FRAS1: variants seen among roughly 807,000 people sequenced by gnomAD.
The protein encoded by FRAS1 is extracellular matrix organizing protein FRAS1.
FRAS1 carries 290 observed loss-of-function variants against 435.2 expected under a neutral mutation model. That is an observed-to-expected ratio of 0.67 (90% CI 0.61 to 0.73). FRAS1 has a LOEUF of 0.73. Ranked by LOEUF, FRAS1 falls within the 30% of genes least tolerant of loss-of-function variation. The pLI is 0.00. For synonymous variants in FRAS1, 1,800 were observed against 1,851.0 expected, an observed-to-expected ratio of 0.97 and a Z score of 0.71; for missense variants, 4,860 against 5,001.5, an observed-to-expected ratio of 0.97 and a Z score of 0.85.
At chr4:78,147,671 T>C (rs996447859) in intron 2 of FRAS1, among the ~76,000 whole-genome samples, 2 of 152,168 alleles carry the variant, frequency 1.3e-5, no homozygotes, top group African/African-American at 4.8e-5. Context: ...TATGTTTTCT[T>C]ATGTTTAAAA....
intron 53 of FRAS1, 36 bp from the exon 54 acceptor site, chr4:78,475,402 G>A: frequency 6.2e-7 from 1 of 1,611,722 alleles, no homozygotes; most frequent in Non-Finnish European, 8.5e-7. Flanking sequence ...TAACCATGGG[G>A]CATAGTTTAA....
Position 78,249,064 on chromosome 4 carries a change from C to CATATATATATATATATATATGCATATAT in FRAS1, c.310-3308_310-3307insGCATATATATATATATATATATATATAT, listed in dbSNP as rs1553934033. On this transcript the variant is annotated intron_variant, in intron 4 of 73. Transcript: ENST00000512123. ...AGAACTACTGATATATATATATATG[C>CATATATATATATATATATATGCATATAT]ATATATATATATATATATATATGCA... 1.8e-4 allele frequency among the ~76,000 whole-genome samples: 3 copies of CATATATATATATATATATATGCATATAT among 16,620 alleles called. 1 individual carries two copies. The highest frequency in any genetic ancestry group is 6.3e-4 in the Non-Finnish European group (3 of 4,736). The allele number at this position is 16,620 out of a possible 152,430, so 10.9% of individuals were successfully genotyped here. A position where few individuals can be genotyped will look rare whatever the true frequency, so the allele number is the denominator to read the frequency against.
chr4:78,264,163 G>T (rs1439819129), intron 6 of FRAS1, among the ~76,000 whole-genome samples: 1 of 152,168 alleles, frequency 6.6e-6, no homozygotes, highest in Non-Finnish European at 1.5e-5. Flanking sequence ...TGACATTGAA[G>T]AAGGCTGTAG....
At position 78,507,558 on chromosome 4, in the gene FRAS1, A is replaced by G. The variant is rs879158039; in HGVS notation, c.9454A>G (p.Ile3152Val). The G allele has an allele frequency of 5.0e-6, 8 of 1,610,066 alleles. No homozygotes were observed. The South Asian group carries it at 7.8e-5, about 16-fold the overall frequency. ...LGDVTTATVTILDQEAAGSLI... is the reference protein window; with the variant it reads ...LGDVTTATVTVLDQEAAGSLI... ...GGATGTGACTACTGCCACGGTGACAATTCTAGACCAGGAGGCAGCAGGGAG... is the reference window on the plus strand; with the variant it reads ...GGATGTGACTACTGCCACGGTGACAGTTCTAGACCAGGAGGCAGCAGGGAG... The change falls in exon 62 of 74, where the codon ATT becomes GTT. Residue 3152 changes from isoleucine (I) to valine (V), a missense_variant. Transcript: ENST00000512123.
At chr4:78,465,860 A>G (rs2109847134) in intron 49 of FRAS1, among the ~76,000 whole-genome samples, 2 of 152,346 alleles carry the variant, frequency 1.3e-5, no homozygotes, top group South Asian at 2.1e-4. Context: ...GAAATTCTGT[A>G]TATAAGAGTT....
intron 64 of FRAS1, 68 bp from the exon 65 acceptor site, chr4:78,513,324 A>G: frequency 2.7e-6 from 4 of 1,490,040 alleles, no homozygotes; most frequent in South Asian, 1.2e-5. Flanking sequence ...GGTGATGAGA[A>G]AGAAGTATGT....
intron 2 of FRAS1, among the ~76,000 whole-genome samples, chr4:78,223,503 C>A (rs1489821324): frequency 1.3e-5 from 2 of 152,110 alleles, no homozygotes; most frequent in East Asian, 3.9e-4. Context: ...TTGGCCCAGG[C>A]AGCTTTCTTT....
chr4:78,314,156 C>T (rs1729144143), intron 15 of FRAS1, among the ~76,000 whole-genome samples: 1 of 151,978 alleles, frequency 6.6e-6, no homozygotes, highest in Non-Finnish European at 1.5e-5. Context: ...CCACTTCTGT[C>T]TTATCCTGCA....
At chr4:78,362,766 G>T (rs1299628033) in intron 20 of FRAS1, among the ~76,000 whole-genome samples, 1 of 152,190 alleles carries the variant, frequency 6.6e-6, no homozygotes, top group Non-Finnish European at 1.5e-5. Context: ...AGAGAGTGGA[G>T]CTGGAGAGGG....
At chr4:78,486,701 G>C (rs1040633240) in intron 58 of FRAS1, among the ~76,000 whole-genome samples, 8 of 152,068 alleles carry the variant, frequency 5.3e-5, no homozygotes, top group African/African-American at 1.2e-4. Context: ...ATCTCTTCCT[G>C]AAACTCCCTT....
intron 2 of FRAS1, among the ~76,000 whole-genome samples, chr4:78,168,985 G>A (rs761024913): frequency 2.0e-5 from 3 of 152,090 alleles, no homozygotes; most frequent in Non-Finnish European, 4.4e-5. Flanking sequence ...CTGAAGTTGG[G>A]AAGTCTTCAC....
rs374693444 is a variant in FRAS1 at position 78,323,627 on chromosome 4, G to T, written c.2137+4641G>T. On this transcript the variant is annotated intron_variant, in intron 18 of 73. Coordinates refer to ENST00000512123, the MANE Select transcript of FRAS1 (RefSeq NM_025074.7). ...GGTTTCTCTGCTGCACACCCCCAAGGGCGCTATTCTCATAGCTACCTTTGT... is the reference window on the plus strand; with the variant it reads ...GGTTTCTCTGCTGCACACCCCCAAGTGCGCTATTCTCATAGCTACCTTTGT... Among the ~76,000 whole-genome samples the T allele has an allele frequency of 1.2e-4, 19 of 152,234 alleles. 1 individual carries two copies. In the East Asian group the frequency reaches 1.4e-3, roughly 11 times the overall value.
At chr4:78,346,063 A>G (rs949421897) in intron 20 of FRAS1, among the ~76,000 whole-genome samples, 3 of 152,210 alleles carry the variant, frequency 2.0e-5, no homozygotes, top group Non-Finnish European at 4.4e-5. Context: ...TTGTGGGTGT[A>G]TGTTGAAAGA....
chr4:78,330,811 C>CGGTCCTGT lies in FRAS1; in HGVS notation c.2138-2451_2138-2444dup, dbSNP rs1306068905. ...TTCATTAGCAATTTTAATTTCGCCTCGGTCCTGTGGTCCTGTGACCTCGCC... is the reference window on the plus strand; with the variant it reads ...TTCATTAGCAATTTTAATTTCGCCTCGGTCCTGTGGTCCTGTGGTCCTGTGACCTCGCC... On this transcript the variant is annotated intron_variant, in intron 18 of 73. Coordinates refer to ENST00000512123, the MANE Select transcript of FRAS1 (RefSeq NM_025074.7). 5.3e-5 allele frequency among the ~76,000 whole-genome samples: 8 copies of CGGTCCTGT among 152,350 alleles called. No individual in the cohort carries two copies. The East Asian group carries it at 9.6e-4, about 18-fold the overall frequency.
chr4:78,363,802 C>T (rs1578275110), intron 21 of FRAS1, 106 bp from the exon 22 acceptor site: 2 of 1,442,278 alleles, frequency 1.4e-6, no homozygotes, highest in East Asian at 4.8e-5. Flanking sequence ...GTAAACCAGA[C>T]TTGCCAATGT....
intron 2 of FRAS1, among the ~76,000 whole-genome samples, chr4:78,195,753 TCACACTC>T (rs1318277343): frequency 1.3e-5 from 2 of 152,098 alleles, no homozygotes; most frequent in Non-Finnish European, 2.9e-5. Flanking sequence ...CTGCTTCGGC[TCACACTC>T]AGTGCGCTGC....
At chr4:78,458,203 C>T (rs1719263773) in intron 47 of FRAS1, among the ~76,000 whole-genome samples, 1 of 152,162 alleles carries the variant, frequency 6.6e-6, no homozygotes, top group Admixed American at 6.5e-5. Flanking sequence ...CCTCAGCCCA[C>T]TCATAATCCT....
At chr4:78,098,243 C>T (rs964566802) in intron 2 of FRAS1, among the ~76,000 whole-genome samples, 3 of 151,826 alleles carry the variant, frequency 2.0e-5, no homozygotes, top group Non-Finnish European at 2.9e-5. Flanking sequence ...CTGTGACCCT[C>T]CTCTTTAATG....
intron 36 of FRAS1, among the ~76,000 whole-genome samples, chr4:78,429,762 G>C (rs778227887): frequency 1.3e-5 from 2 of 152,164 alleles, no homozygotes; most frequent in Non-Finnish European, 2.9e-5. Flanking sequence ...GTGTGTTCTA[G>C]AGATCCTTAT....
Sources: allele counts gnomAD v4.1 joint callset (sites outside exome capture counted in the v4.1 genomes callset), GRCh38; gene constraint gnomAD v4.1.1; transcripts MANE v1.5; gene names NCBI Gene and HGNC (gene_info 2026-07-23, HGNC 2026-07-21).